The following NBAS variants were observed in gnomAD, a reference collection of about 807,000 sequenced individuals.
NBAS encodes the protein NBAS subunit of NRZ tethering complex, also known as NAG/BC035112 fusion.
In NBAS, 219 loss-of-function variants were observed where a neutral mutation model predicts 302.5. That is an observed-to-expected ratio of 0.72 (90% confidence interval 0.65 to 0.81). The LOEUF (loss-of-function observed/expected upper bound fraction) is 0.81, where lower values mean the gene tolerates loss of function less well. Among genes scored for constraint, NBAS ranks in the 30% least tolerant of loss-of-function variants. The pLI is 0.00. For synonymous variants in NBAS, 1,118 were observed against 1,021.6 expected, an observed-to-expected ratio of 1.09 and a Z score of -1.80; for missense variants, 2,932 against 2,841.6, an observed-to-expected ratio of 1.03 and a Z score of -0.72.
At chr2:15,259,434 T>G (rs1668753256) in intron 44 of NBAS, among the ~76,000 whole-genome samples, 1 of 152,208 alleles carries the variant, frequency 6.6e-6, no homozygotes, top group African/African-American at 2.4e-5. Context: ...AAGCTGTCAG[T>G]AGAATGCATT....
chr2:15,175,174 G>T (rs1238233078), intron 51 of NBAS, among the ~76,000 whole-genome samples: 3 of 152,072 alleles, frequency 2.0e-5, no homozygotes, highest in Admixed American at 2.0e-4. Context: ...CACCGTGTTA[G>T]CCAGGATGGT....
the NBAS span, among the ~76,000 whole-genome samples, chr2:15,013,641 G>A: frequency 6.6e-6 from 1 of 152,042 alleles, no homozygotes; most frequent in African/African-American, 2.4e-5. Flanking sequence ...AAAATTAGCT[G>A]GGTGTGGTGG....
At chr2:15,198,893 G>A (rs868728695) in intron 48 of NBAS, among the ~76,000 whole-genome samples, 1 of 152,082 alleles carries the variant, frequency 6.6e-6, no homozygotes, top group African/African-American at 2.4e-5. Context: ...TTGGGAGGCC[G>A]AGGCGGGTGG....
chr2:15,489,695 G>A (rs747333219), intron 11 of NBAS, among the ~76,000 whole-genome samples: 4 of 152,182 alleles, frequency 2.6e-5, no homozygotes, highest in Non-Finnish European at 5.9e-5. Flanking sequence ...GGTACACAGA[G>A]GAAGAGTTAT....
chr2:14,917,281 G>A, the NBAS span, among the ~76,000 whole-genome samples: 2 of 152,162 alleles, frequency 1.3e-5, no homozygotes, highest in African/African-American at 2.4e-5. Flanking sequence ...TCACAAGGTT[G>A]TTGGTAAAAT....
At chr2:14,977,144 A>G in the NBAS span, among the ~76,000 whole-genome samples, 1 of 152,230 alleles carries the variant, frequency 6.6e-6, no homozygotes, top group East Asian at 1.9e-4. Flanking sequence ...TTGTAGCATT[A>G]GCCATAGCCA....
At chr2:15,324,849 C>G (rs1384932259) in intron 38 of NBAS, among the ~76,000 whole-genome samples, 1 of 152,200 alleles carries the variant, frequency 6.6e-6, no homozygotes, top group East Asian at 1.9e-4. Flanking sequence ...TCACTATTTG[C>G]TTTACTTCTC....
intron 21 of NBAS, among the ~76,000 whole-genome samples, chr2:15,440,071 G>C (rs552719875): frequency 6.6e-6 from 1 of 152,226 alleles, no homozygotes; most frequent in Non-Finnish European, 1.5e-5. Flanking sequence ...CTCCATCTCT[G>C]GGGGCAGGGC....
At chr2:14,827,675 T>C in the NBAS span, among the ~76,000 whole-genome samples, 1 of 152,210 alleles carries the variant, frequency 6.6e-6, no homozygotes, top group Non-Finnish European at 1.5e-5. Flanking sequence ...GAGAACATTA[T>C]CCTAAGTGAG....
chr2:15,264,816 T>C (rs929684179), intron 44 of NBAS, among the ~76,000 whole-genome samples: 1 of 152,168 alleles, frequency 6.6e-6, no homozygotes, highest in African/African-American at 2.4e-5. Context: ...TATAATAGCA[T>C]CTGGTGGAAA....
At chr2:14,889,097 C>A in the NBAS span, among the ~76,000 whole-genome samples, 1 of 152,156 alleles carries the variant, frequency 6.6e-6, no homozygotes, top group East Asian at 1.9e-4. Context: ...TTTTCTTATC[C>A]TTCTAAATAG....
chr2:14,842,152 C>A, the NBAS span, among the ~76,000 whole-genome samples: 1 of 151,576 alleles, frequency 6.6e-6, no homozygotes, highest in African/African-American at 2.4e-5. Flanking sequence ...AATGGAAATA[C>A]AACATAAAAA....
chr2:15,277,907 A>G (rs559291859), intron 42 of NBAS, among the ~76,000 whole-genome samples: 10 of 152,178 alleles, frequency 6.6e-5, no homozygotes, highest in African/African-American at 2.2e-4. Flanking sequence ...TGTAATCTCA[A>G]TGCCCCTTAC....
chr2:15,512,130 C>A (rs1371080038), intron 9 of NBAS, among the ~76,000 whole-genome samples: 2 of 151,974 alleles, frequency 1.3e-5, no homozygotes, highest in Non-Finnish European at 2.9e-5. Context: ...ATAGAAAAAC[C>A]AAATCTTGAA....
At chr2:15,081,503 A>G in the NBAS span, among the ~76,000 whole-genome samples, 8 of 152,344 alleles carry the variant, frequency 5.3e-5, no homozygotes, top group South Asian at 1.7e-3. Flanking sequence ...CAGAGCCTCC[A>G]ACTCAACAGT....
intron 9 of NBAS, among the ~76,000 whole-genome samples, chr2:15,514,604 G>C (rs1018480124): frequency 1.6e-4 from 24 of 151,300 alleles, no homozygotes; most frequent in African/African-American, 5.6e-4. Context: ...ACAGTTCCTT[G>C]ATAACTGAAA....
chr2:14,789,449 G>A, the NBAS span, among the ~76,000 whole-genome samples: 1,245 of 152,250 alleles, frequency 8.2e-3, 16 homozygotes, highest in African/African-American at 0.028. Context: ...GCTGTAGACC[G>A]GAGCTGTTCC....
intron 16 of NBAS, among the ~76,000 whole-genome samples, chr2:15,469,257 T>C (rs1224026825): frequency 1.3e-5 from 2 of 152,216 alleles, no homozygotes; most frequent in Admixed American, 1.3e-4. Flanking sequence ...TTGAATGTGT[T>C]TGCTCTTATT....
At chr2:15,044,918 T>C in the NBAS span, among the ~76,000 whole-genome samples, 8 of 152,298 alleles carry the variant, frequency 5.3e-5, no homozygotes, top group African/African-American at 1.7e-4. Context: ...CATTTGCTAG[T>C]ACCAAAACAT....
Sources: gnomAD v4.1 joint callset for allele counts (sites outside exome capture counted in the v4.1 genomes callset) on GRCh38, gnomAD v4.1.1 for gene constraint, MANE v1.5 for transcripts, NCBI Gene and HGNC (gene_info 2026-07-23, HGNC 2026-07-21) for gene names.